GALNT13: variants seen among roughly 807,000 people sequenced by gnomAD.
GALNT13 encodes UDP-GalNAc:polypeptide N-acetylgalactosaminyltransferase 13.
In GALNT13, 28 loss-of-function variants were observed where a neutral mutation model predicts 64.2. That is an observed-to-expected ratio of 0.44 (90% CI 0.32 to 0.60). GALNT13 has a LOEUF of 0.60. Ranked by LOEUF, GALNT13 falls within the 20% of genes least tolerant of loss-of-function variation. The pLI is 0.05. For synonymous variants in GALNT13, 214 were observed against 224.6 expected (o/e 0.95, Z 0.42); for missense variants, 577 against 669.8 (o/e 0.86, Z 1.53).
chr2:154,299,799 T>C (rs1693322574), intron 8 of GALNT13, among the ~76,000 whole-genome samples: 1 of 151,980 alleles, frequency 6.6e-6, no homozygotes, highest in Admixed American at 6.5e-5. Context: ...AGCTTCCCTG[T>C]CTTTTAAGGG....
chr2:153,822,854 T>C, the GALNT13 span, among the ~76,000 whole-genome samples: 18 of 152,210 alleles, frequency 1.2e-4, no homozygotes, highest in Non-Finnish European at 2.5e-4. Flanking sequence ...GTTGATATGA[T>C]GCTATATCTA....
At chr2:154,186,205 T>C (rs1293473988) in intron 4 of GALNT13, among the ~76,000 whole-genome samples, 1 of 152,106 alleles carries the variant, frequency 6.6e-6, no homozygotes, top group African/African-American at 2.4e-5. Context: ...AGCAGCATTA[T>C]TTTGTTAATT....
chr2:153,448,452 T>C, the GALNT13 span, among the ~76,000 whole-genome samples: 1 of 152,208 alleles, frequency 6.6e-6, no homozygotes, highest in Admixed American at 6.5e-5. Flanking sequence ...CCAGTTATGA[T>C]AAATCTTCTG....
chr2:154,362,568 C>T (rs755634500), intron 9 of GALNT13, among the ~76,000 whole-genome samples: 1 of 151,900 alleles, frequency 6.6e-6, no homozygotes, highest in Non-Finnish European at 1.5e-5. Flanking sequence ...TTAAACTAGC[C>T]AACCCCCACC....
chr2:153,510,027 G>C, the GALNT13 span, among the ~76,000 whole-genome samples: 4 of 152,290 alleles, frequency 2.6e-5, no homozygotes, highest in South Asian at 8.3e-4. Flanking sequence ...AGCAATACCA[G>C]GACTTGTCTT....
At chr2:153,762,979 T>C in the GALNT13 span, among the ~76,000 whole-genome samples, 2 of 151,842 alleles carry the variant, frequency 1.3e-5, no homozygotes, top group Non-Finnish European at 2.9e-5. Flanking sequence ...CTGATAACAA[T>C]TTAACTTTGA....
the GALNT13 span, among the ~76,000 whole-genome samples, chr2:153,554,899 T>G: frequency 6.6e-6 from 1 of 152,140 alleles, no homozygotes; most frequent in Non-Finnish European, 1.5e-5. Flanking sequence ...GAGAGAAAAT[T>G]TTTTTAGTGA....
chr2:154,428,438 T>C (rs1700563461), intron 11 of GALNT13, among the ~76,000 whole-genome samples: 1 of 152,186 alleles, frequency 6.6e-6, no homozygotes, highest in South Asian at 2.1e-4. Flanking sequence ...TCAAAACCTA[T>C]ATGATAGAGC....
At chr2:153,599,205 A>T in the GALNT13 span, among the ~76,000 whole-genome samples, 6 of 152,058 alleles carry the variant, frequency 3.9e-5, no homozygotes, top group Non-Finnish European at 8.8e-5. Context: ...GATATCCATT[A>T]TCTTAAATTA....
At chr2:153,905,708 C>G (rs1688514266) in intron 2 of GALNT13, among the ~76,000 whole-genome samples, 1 of 151,954 alleles carries the variant, frequency 6.6e-6, no homozygotes, top group African/African-American at 2.4e-5. Context: ...AGCATTCTTA[C>G]CATAGAGCTT....
At chr2:153,241,620 G>A in the GALNT13 span, among the ~76,000 whole-genome samples, 4 of 151,630 alleles carry the variant, frequency 2.6e-5, no homozygotes, top group Non-Finnish European at 5.9e-5. Context: ...CCAGCAAAAT[G>A]TGTAAAAAAT....
the GALNT13 span, among the ~76,000 whole-genome samples, chr2:153,523,111 T>G: frequency 3.5e-5 from 5 of 141,690 alleles, no homozygotes; most frequent in Non-Finnish European, 7.5e-5. Context: ...GTTGAAAAGA[T>G]TCTCCTTTCA....
chr2:153,204,149 C>T, the GALNT13 span, among the ~76,000 whole-genome samples: 2 of 152,168 alleles, frequency 1.3e-5, no homozygotes, highest in South Asian at 2.1e-4. Context: ...TGGGTATTCC[C>T]TTCCCTTCCA....
chr2:154,015,125 A>T (rs1192742366), intron 3 of GALNT13, among the ~76,000 whole-genome samples: 4 of 152,236 alleles, frequency 2.6e-5, no homozygotes, highest in Non-Finnish European at 4.4e-5. Flanking sequence ...TGTGGGCAGA[A>T]GTTAAAAAAG....
chr2:154,376,659 A>C lies in GALNT13; in HGVS notation c.1157-19332A>C, dbSNP rs1379455131. Among the ~76,000 whole-genome samples the C allele has an allele frequency of 5.9e-5, 9 of 152,266 alleles. No individual in the cohort carries two copies. The South Asian group carries it at 1.9e-3, about 32-fold the overall frequency. On this transcript the variant is annotated intron_variant, in intron 9 of 12. Transcript: ENST00000392825. Reference sequence around the variant, plus strand: ...AAAGAAAACAAGCAAATTACAGGTTAATAGTGTCAACTTTTAACTATGAGA... The same window carrying C: ...AAAGAAAACAAGCAAATTACAGGTTCATAGTGTCAACTTTTAACTATGAGA...
chr2:154,343,993 T>A (rs1373905758), intron 9 of GALNT13, among the ~76,000 whole-genome samples: 1 of 151,938 alleles, frequency 6.6e-6, no homozygotes, highest in Admixed American at 6.6e-5. Flanking sequence ...CTTAGTGGCT[T>A]GGAAATATGA....
the GALNT13 span, among the ~76,000 whole-genome samples, chr2:153,447,900 G>C: frequency 2.3e-4 from 35 of 152,264 alleles, no homozygotes; most frequent in East Asian, 6.8e-3. Context: ...TGGCAAGGCA[G>C]TGTTCTAGGA....
At chr2:153,392,919 T>A in the GALNT13 span, among the ~76,000 whole-genome samples, 1 of 152,118 alleles carries the variant, frequency 6.6e-6, no homozygotes, top group African/African-American at 2.4e-5. Flanking sequence ...CAAGGGAGAT[T>A]GTTAGCCATT....
At chr2:153,825,619 T>C in the GALNT13 span, among the ~76,000 whole-genome samples, 1 of 149,882 alleles carries the variant, frequency 6.7e-6, no homozygotes, top group Non-Finnish European at 1.5e-5. Context: ...TGTGTGTGTG[T>C]GTGTGTGTGT....
Sources: allele counts gnomAD v4.1 joint callset (sites outside exome capture counted in the v4.1 genomes callset), GRCh38; gene constraint gnomAD v4.1.1; transcripts MANE v1.5; gene names NCBI Gene and HGNC (gene_info 2026-07-23, HGNC 2026-07-21).